Variants in FNDC3B observed in about 807,000 individuals in gnomAD.
The protein encoded by FNDC3B is fibronectin type III domain-containing protein 3B.
FNDC3B carries 12 observed loss-of-function variants against 151.5 expected under a neutral mutation model. The ratio of observed to expected loss-of-function variants is 0.08; its 90% CI spans 0.05 to 0.13. The LOEUF is 0.13. Among genes scored for constraint, FNDC3B ranks in the 10% least tolerant of loss-of-function variants. The pLI, the probability that FNDC3B is intolerant of heterozygous loss-of-function variation, is 1.00. For synonymous variants in FNDC3B, 528 were observed against 549.0 expected (o/e 0.96, Z 0.54); for missense variants, 1,214 against 1,505.3 (o/e 0.81, Z 3.20).
At position 172,352,810 on chromosome 3, in the gene FNDC3B, A is replaced by G. The variant is rs117207991; in HGVS notation, c.2522A>G (p.Asn841Ser). 1.2e-4 allele frequency: 188 copies of G among 1,613,334 alleles called. 1 individual carries two copies. In the East Asian group the frequency reaches 2.3e-3, roughly 20 times the overall value. The change falls in exon 22 of 26, where the codon AAT becomes AGT. Residue 841 changes from asparagine (N) to serine (S), a missense_variant. This residue lies in a region of FNDC3B where 380 missense variants were observed against 420.9 expected (regional missense o/e 0.90). Coordinates refer to ENST00000415807, the MANE Select transcript of FNDC3B (RefSeq NM_022763.4). This position sits in a 1 kb window ranked among gnomAD's most constrained non-coding sequence, Gnocchi z 4.2. ...TGCTGTTCTGTTTTGTAGGCCTTCA[A>G]TCAAGCAGGGGCAGGGCCGTACAGT... ...AQYCCRLQAF[N>S]QAGAGPYSEL... is the part of the protein sequence containing the mutation.
At chr3:172,358,612 C>T (rs759906661) in intron 22 of FNDC3B, among the ~76,000 whole-genome samples, 7 of 152,200 alleles carry the variant, frequency 4.6e-5, no homozygotes, top group Non-Finnish European at 1.5e-5. Flanking sequence ...GTCCCTGTGC[C>T]AGCACTGTTG....
chr3:172,312,980 T>G (rs1176035695), intron 11 of FNDC3B, among the ~76,000 whole-genome samples: 1 of 152,194 alleles, frequency 6.6e-6, no homozygotes, highest in African/African-American at 2.4e-5. Flanking sequence ...TCAAAAAATG[T>G]TAAATGGCTG....
At chr3:172,381,632 CCT>C (rs1351067286) in intron 25 of FNDC3B, among the ~76,000 whole-genome samples, 1 of 151,864 alleles carries the variant, frequency 6.6e-6, no homozygotes, top group Non-Finnish European at 1.5e-5. Flanking sequence ...CCCCCCACCC[CCT>C]GACAGGCCCC....
chr3:172,332,870 A>C (rs868170553), intron 13 of FNDC3B, among the ~76,000 whole-genome samples: 5 of 152,236 alleles, frequency 3.3e-5, no homozygotes, highest in African/African-American at 1.2e-4. Flanking sequence ...GACCAGACCC[A>C]GGAGAAATTA....
At chr3:172,052,631 T>C (rs1351945786) in intron 1 of FNDC3B, among the ~76,000 whole-genome samples, 1 of 152,142 alleles carries the variant, frequency 6.6e-6, no homozygotes, top group African/African-American at 2.4e-5. Flanking sequence ...CCTGGGACAT[T>C]ATAGGGCTGT....
intron 7 of FNDC3B, among the ~76,000 whole-genome samples, chr3:172,289,570 C>G (rs1460126966): frequency 6.6e-6 from 1 of 152,238 alleles, no homozygotes; most frequent in African/African-American, 2.4e-5. Flanking sequence ...CTTTCCTCTT[C>G]GTACCACTTT....
intron 1 of FNDC3B, among the ~76,000 whole-genome samples, chr3:172,101,206 C>T (rs1353436168): frequency 6.6e-6 from 1 of 152,122 alleles, no homozygotes; most frequent in African/African-American, 2.4e-5. Context: ...TTCTGTAACA[C>T]CTGTCAGATT....
intron 11 of FNDC3B, among the ~76,000 whole-genome samples, chr3:172,311,883 GAA>G (rs56937613): frequency 8.9e-6 from 1 of 112,952 alleles, no homozygotes. Context: ...GTCTCAAAAA[GAA>G]AAAAAAAAAA....
At chr3:172,152,559 A>C (rs1345139279) in intron 3 of FNDC3B, among the ~76,000 whole-genome samples, 1 of 140,936 alleles carries the variant, frequency 7.1e-6, no homozygotes. Flanking sequence ...TCTGCCACTC[A>C]CATTCTCCAT....
chr3:172,215,532 T>C, intron 3 of FNDC3B, among the ~76,000 whole-genome samples: 2 of 152,192 alleles, frequency 1.3e-5, no homozygotes, highest in Non-Finnish European at 2.9e-5. Context: ...GAGACCAGCC[T>C]GACCAACATG....
intron 2 of FNDC3B, among the ~76,000 whole-genome samples, chr3:172,125,238 G>T (rs186823333): frequency 6.6e-6 from 1 of 152,298 alleles, no homozygotes; most frequent in East Asian, 1.9e-4. Context: ...TCTGAAAATT[G>T]AGGACTAAGC....
intron 16 of FNDC3B, among the ~76,000 whole-genome samples, chr3:172,340,517 C>T: frequency 6.6e-6 from 1 of 152,118 alleles, no homozygotes; most frequent in Admixed American, 6.5e-5. Context: ...AACTCCTGAC[C>T]TCAGGTGATC....
At chr3:172,345,944 C>T (rs1379562029) in intron 19 of FNDC3B, 1 of 153,310 alleles carries the variant, frequency 6.5e-6, no homozygotes, top group African/African-American at 2.4e-5. Flanking sequence ...TATTTTTATT[C>T]ATTAAAAATT....
chr3:172,050,636 AG>A (rs1265462556), intron 1 of FNDC3B, among the ~76,000 whole-genome samples: 1 of 151,636 alleles, frequency 6.6e-6, no homozygotes, highest in Non-Finnish European at 1.5e-5. Flanking sequence ...CACCTGCCTC[AG>A]CCTCCCAAAG....
rs1171081371 is a variant in FNDC3B, at chr3:172,400,833, T to G, written c.*3358T>G. 6.6e-6 allele frequency: 1 copy of G among 150,414 alleles called. No individual in the cohort carries two copies. Among genetic ancestry groups the G allele is most frequent in the East Asian group, 2.0e-4 (1 of 4,976 alleles). 9.3% of individuals were successfully genotyped at this position (150,414 alleles called of 1,614,324 possible). A position where few individuals can be genotyped will look rare whatever the true frequency, so the allele number is the denominator to read the frequency against. ...GTGCAGTGGCGCGATCTCAGCTCAC[T>G]GCAACCTCCAGCTCCCAGGTTCAAG... On this transcript the variant is annotated 3_prime_UTR_variant, in exon 26 of 26. Transcript: ENST00000415807.
intron 11 of FNDC3B, among the ~76,000 whole-genome samples, chr3:172,312,143 A>G (rs1560072152): frequency 6.6e-6 from 1 of 152,200 alleles, no homozygotes; most frequent in African/African-American, 2.4e-5. Flanking sequence ...TGAAAACTGG[A>G]TGGAATTCCC....
intron 3 of FNDC3B, among the ~76,000 whole-genome samples, chr3:172,148,825 A>G (rs1322475910): frequency 1.3e-5 from 2 of 152,244 alleles, no homozygotes; most frequent in East Asian, 1.9e-4. Context: ...TCTACTCCTC[A>G]TTGCACCTGT....
intron 4 of FNDC3B, among the ~76,000 whole-genome samples, chr3:172,231,304 A>G (rs957026115): frequency 1.5e-4 from 23 of 152,188 alleles, no homozygotes; most frequent in African/African-American, 4.3e-4. Flanking sequence ...GTTGGGGGGA[A>G]GGAGTTAATG....
chr3:172,088,551 A>G (rs977125482), intron 1 of FNDC3B, among the ~76,000 whole-genome samples: 1 of 152,206 alleles, frequency 6.6e-6, no homozygotes, highest in African/African-American at 2.4e-5. Context: ...TTGAAATGCA[A>G]TTGATTTGCT....
Sources: gnomAD v4.1 joint callset for allele counts (sites outside exome capture counted in the v4.1 genomes callset) on GRCh38, gnomAD v4.1.1 for gene constraint, gnomAD v4.1.1 regional missense constraint, Gnocchi (gnomAD v3.1) non-coding constraint, MANE v1.5 for transcripts, NCBI Gene and HGNC (gene_info 2026-07-23, HGNC 2026-07-21) for gene names.